The following TRIM22 variants were observed in gnomAD, a reference collection of about 807,000 sequenced individuals.
TRIM22 encodes E3 ubiquitin-protein ligase TRIM22.
In TRIM22, 45 loss-of-function variants were observed where a neutral mutation model predicts 53.6. The observed-to-expected ratio is 0.84, with a 90% CI of 0.66 to 1.08. The LOEUF is 1.08. Ranked by LOEUF, TRIM22 falls within the 50% of genes least tolerant of loss-of-function variation. The pLI is 0.00. For missense variants in TRIM22, 616 were observed against 590.9 expected (o/e 1.04, Z -0.44); for synonymous variants, 225 against 216.6 (o/e 1.04, Z -0.34).
rs1564940123 is a variant in TRIM22 at position 5,696,592 on chromosome 11, ACTGT to A, written c.363_366del (p.Ser122ArgfsTer11). ...GAAAAGTCATTTGCTGGGTTTGTGAACTGTCTCAGGAACACCAAGGTCACCAAAC... is the reference window on the plus strand; with the variant it reads ...GAAAAGTCATTTGCTGGGTTTGTGAACTCAGGAACACCAAGGTCACCAAAC... On this transcript the variant is annotated frameshift_variant, in exon 2 of 8. Transcript: ENST00000379965. LOFTEE classifies it high-confidence loss of function. 2 of 1,614,040 alleles carry A rather than the reference ACTGT, an allele frequency of 1.2e-6. No individual in the cohort carries two copies. The highest frequency in any genetic ancestry group is 1.7e-6 in the Non-Finnish European group (2 of 1,180,042).
chr11:5,708,938 C>A, intron 7 of TRIM22, 115 bp from the exon 8 acceptor site: 2 of 835,974 alleles, frequency 2.4e-6, no homozygotes, highest in Non-Finnish European at 1.9e-6. Context: ...CTCTGACTAT[C>A]AACACAAGTT....
Position 5,692,049 on chromosome 11 carries a change from G to A in TRIM22, c.-67+2150G>A, listed in dbSNP as rs141298732. Among the ~76,000 whole-genome samples the A allele has an allele frequency of 3.2e-4, 49 of 152,142 alleles. 1 individual carries two copies. The East Asian group carries it at 8.5e-3, about 26-fold the overall frequency. ...ACAAAAACAAAAAAACTATCTATTC[G>A]ATATATAATCAACATTAAATACCGG... On this transcript the variant is annotated intron_variant, in intron 1 of 7. Coordinates refer to ENST00000379965, the MANE Select transcript of TRIM22 (RefSeq NM_006074.5).
chr11:5,697,125 A>G, intron 2 of TRIM22, 123 bp from the exon 3 acceptor site: 1 of 685,336 alleles, frequency 1.5e-6, no homozygotes, highest in South Asian at 2.1e-5. Flanking sequence ...GGTTCTAATC[A>G]CCAGCCTCAC....
intron 1 of TRIM22, among the ~76,000 whole-genome samples, chr11:5,692,031 CA>C (rs1311748007): frequency 6.6e-6 from 1 of 151,686 alleles, no homozygotes; most frequent in Non-Finnish European, 1.5e-5. Flanking sequence ...AAAACAAAAA[CA>C]AAAAAACTAT....
intron 4 of TRIM22, among the ~76,000 whole-genome samples, chr11:5,699,368 C>CAAA (rs368324783): frequency 1.4e-5 from 2 of 141,432 alleles, no homozygotes; most frequent in African/African-American, 5.7e-5. Context: ...ACTAAAAATA[C>CAAA]AAAAAATTAG....
At chr11:5,705,090 G>A (rs1285120206) in intron 4 of TRIM22, among the ~76,000 whole-genome samples, 2 of 152,146 alleles carry the variant, frequency 1.3e-5, no homozygotes, top group Non-Finnish European at 2.9e-5. Context: ...GGTTAAAGTA[G>A]ACAAAATTAG....
chr11:5,709,334 T>A lies in TRIM22; in HGVS notation c.1183T>A (p.Ser395Thr). ...TGCTTTTGATCCAAGTGTAAATTAT[T>A]CAAAAGTTTACTCCAGATATAGACC... is the stretch of plus-strand genomic sequence containing the variant. Reference protein sequence around the residue: ...GFAFDPSVNYSKVYSRYRPQY... With the variant: ...GFAFDPSVNYTKVYSRYRPQY... Residue 395 changes from serine to threonine, a missense_variant, in exon 8 of 8, where the codon TCA becomes ACA. Physicochemically the swap from Ser to Thr is moderately conservative, Grantham distance 58 (BLOSUM62 1). Transcript: ENST00000379965. 6.2e-7 allele frequency: 1 copy of A among 1,614,116 alleles called. No individual in the cohort carries two copies. Among genetic ancestry groups the A allele is most frequent in the East Asian group, 2.2e-5 (1 of 44,880 alleles).
chr11:5,708,254 G>A lies in TRIM22; in HGVS notation c.855G>A (p.Gly285=), dbSNP rs2134184313. ...KSVFRVPDLS[G]MLQVLKELTD... ...TATTCCGAGTACCAGATCTGAGTGG[G>A]ATGCTGCAAGTTCTTAAAGGTAAGG... The change falls in exon 6 of 8, where the codon GGG becomes GGA. Residue 285 remains glycine, a synonymous_variant. Transcript: ENST00000379965. 1 of 1,614,036 alleles carries A rather than the reference G, an allele frequency of 6.2e-7. No individual in the cohort carries two copies. The highest frequency in any genetic ancestry group is 8.5e-7 in the Non-Finnish European group (1 of 1,179,882).
chr11:5,709,496 T>A lies in TRIM22; in HGVS notation c.1345T>A (p.Tyr449Asn). The A allele has an allele frequency of 1.2e-6, 2 of 1,614,206 alleles. No homozygotes were observed. Among genetic ancestry groups the A allele is most frequent in the Non-Finnish European group, 1.7e-6 (2 of 1,180,036 alleles). Residue 449 changes from tyrosine (Y) to asparagine (N), a missense_variant, in exon 8 of 8, where the codon TAT becomes AAT. Physicochemically the swap from Tyr to Asn is moderately radical, Grantham distance 143 (BLOSUM62 -2). Transcript: ENST00000379965. ...PPCRIGVFLDYEAGIVSFFNV... is the reference protein window; with the variant it reads ...PPCRIGVFLDNEAGIVSFFNV... The stretch of plus-strand genomic sequence containing the variant: ...CTGTCGTATTGGGGTTTTCCTAGAC[T>A]ATGAGGCAGGCATTGTCTCATTTTT...
Position 5,709,669 on chromosome 11 carries a change from A to C in TRIM22, c.*21A>C. On this transcript the variant is annotated 3_prime_UTR_variant, in exon 8 of 8. Transcript: ENST00000379965. ...CCTGAGTGTTCTCATTCCTTTACCC[A>C]CTTCTGCATAGTAGCCCTTGTGCTG... 1.3e-6 allele frequency: 2 copies of C among 1,583,058 alleles called. No homozygotes were observed. Among genetic ancestry groups the C allele is most frequent in the Non-Finnish European group, 1.7e-6 (2 of 1,166,368 alleles).
At chr11:5,706,685 C>T in intron 5 of TRIM22, 69 bp downstream of exon 5, 2 of 1,447,812 alleles carry the variant, frequency 1.4e-6, no homozygotes, top group Non-Finnish European at 1.9e-6. Flanking sequence ...AGATATCTTC[C>T]TTCAATCAGA....
At chr11:5,699,912 T>A (rs1235037239) in intron 4 of TRIM22, among the ~76,000 whole-genome samples, 1 of 152,028 alleles carries the variant, frequency 6.6e-6, no homozygotes, top group Non-Finnish European at 1.5e-5. Flanking sequence ...TTTTTTTTAT[T>A]TCAAATTTCA....
At position 5,696,503 on chromosome 11, in the gene TRIM22, G is replaced by T. The variant is rs1853263643; in HGVS notation, c.271G>T (p.Gly91Trp). ...AGAGGTCAAGATGAGCCCACAGGAG[G>T]GGCAGAAGAGAGATGTCTGTGAGCA... ...VKEVKMSPQEGQKRDVCEHHG... is the reference protein window; with the variant it reads ...VKEVKMSPQEWQKRDVCEHHG... The change falls in exon 2 of 8, where the codon GGG (glycine) becomes TGG (tryptophan). Residue 91 changes from glycine to tryptophan, a missense_variant. Coordinates refer to ENST00000379965, the MANE Select transcript of TRIM22 (RefSeq NM_006074.5). 1.9e-6 allele frequency: 3 copies of T among 1,614,126 alleles called. No homozygotes were observed. The South Asian group carries it at 3.3e-5, about 18-fold the overall frequency.
chr11:5,694,323 A>G (rs964636290), intron 1 of TRIM22, among the ~76,000 whole-genome samples: 3 of 152,192 alleles, frequency 2.0e-5, no homozygotes, highest in Admixed American at 1.3e-4. Flanking sequence ...GTGTGATCCT[A>G]TAACTATTTT....
rs1305242629 is a variant in TRIM22 at position 5,698,306 on chromosome 11, A to G, written c.520-9A>G. 4.3e-6 allele frequency: 7 copies of G among 1,612,450 alleles called. No individual in the cohort carries two copies. The South Asian group carries it at 5.5e-5, about 13-fold the overall frequency. ...AGACTGACTGCCTCTTTCTCTTTTC[A>G]TTCCCAAGAATTATATCCAGATCGA... On this transcript the variant is annotated splice_polypyrimidine_tract_variant and intron_variant, in intron 3 of 7. Coordinates refer to ENST00000379965, the MANE Select transcript of TRIM22 (RefSeq NM_006074.5).
chr11:5,695,828 A>G (rs1158411088), intron 1 of TRIM22, among the ~76,000 whole-genome samples: 1 of 152,170 alleles, frequency 6.6e-6, no homozygotes, highest in Non-Finnish European at 1.5e-5. Context: ...TAGTGCATTT[A>G]ACATGGAAAA....
At chr11:5,702,450 A>C (rs960578576) in intron 4 of TRIM22, among the ~76,000 whole-genome samples, 2 of 148,382 alleles carry the variant, frequency 1.3e-5, no homozygotes, top group African/African-American at 4.9e-5. Context: ...AATATATAAA[A>C]ATATATTTTA....
chr11:5,694,928 A>T (rs1590311895), intron 1 of TRIM22, among the ~76,000 whole-genome samples: 1 of 152,158 alleles, frequency 6.6e-6, no homozygotes, highest in African/African-American at 2.4e-5. Context: ...AAGGTCAGCT[A>T]TTGGGAAACT....
At chr11:5,694,453 T>A (rs372614737) in intron 1 of TRIM22, among the ~76,000 whole-genome samples, 1 of 152,168 alleles carries the variant, frequency 6.6e-6, no homozygotes, top group Admixed American at 6.5e-5. Flanking sequence ...CAGAACTACA[T>A]AGCTGGTCTG....
Sources: gnomAD v4.1 joint callset for allele counts (sites outside exome capture counted in the v4.1 genomes callset) on GRCh38, gnomAD v4.1.1 for gene constraint, MANE v1.5 for transcripts, NCBI Gene and HGNC (gene_info 2026-07-23, HGNC 2026-07-21) for gene names.